PCDH9: variants seen among roughly 807,000 people sequenced by gnomAD.
PCDH9 encodes the protein protocadherin 9.
A neutral mutation model predicts 70.6 loss-of-function variants in PCDH9; 24 were observed. The ratio of observed to expected loss-of-function variants is 0.34; its 90% CI spans 0.25 to 0.48. The LOEUF (loss-of-function observed/expected upper bound fraction) is 0.48, where lower values mean the gene tolerates loss of function less well. Among genes scored for constraint, PCDH9 ranks in the 20% least tolerant of loss-of-function variants. The pLI is 0.99. For synonymous variants in PCDH9, 562 were observed against 558.5 expected, an observed-to-expected ratio of 1.01 and a Z score of -0.09; for missense variants, 1,281 against 1,503.6, an observed-to-expected ratio of 0.85 and a Z score of 2.45.
chr13:66,492,873 A>G (rs1222136871), intron 4 of PCDH9, among the ~76,000 whole-genome samples: 1 of 152,210 alleles, frequency 6.6e-6, no homozygotes, highest in Non-Finnish European at 1.5e-5. Context: ...CAAATTAGAT[A>G]CATTGTTACA....
chr13:66,632,126 C>G (rs1488233987), intron 3 of PCDH9, among the ~76,000 whole-genome samples: 1 of 152,086 alleles, frequency 6.6e-6, no homozygotes, highest in East Asian at 1.9e-4. Context: ...AACTCCTGAC[C>G]TCAGGTAATC....
chr13:67,120,941 A>C (rs1222105166), intron 2 of PCDH9, among the ~76,000 whole-genome samples: 1 of 152,010 alleles, frequency 6.6e-6, no homozygotes, highest in African/African-American at 2.4e-5. Flanking sequence ...AAAAAAAAAA[A>C]CTAAAAACAT....
At chr13:67,005,689 T>C (rs1425778818) in intron 2 of PCDH9, among the ~76,000 whole-genome samples, 1 of 152,226 alleles carries the variant, frequency 6.6e-6, no homozygotes, top group African/African-American at 2.4e-5. Context: ...CCACAAATAA[T>C]ATGCTTATTT....
At chr13:66,401,370 T>C (rs930843234) in intron 4 of PCDH9, among the ~76,000 whole-genome samples, 1 of 151,900 alleles carries the variant, frequency 6.6e-6, no homozygotes, top group African/African-American at 2.4e-5. Flanking sequence ...TCCCCCCCTT[T>C]GCTCATTCTT....
chr13:66,854,212 T>C (rs532764510), intron 3 of PCDH9, among the ~76,000 whole-genome samples: 3 of 152,314 alleles, frequency 2.0e-5, no homozygotes, highest in Non-Finnish European at 2.9e-5. Context: ...CTTGTAGTTG[T>C]ATGACCTTAG....
intron 2 of PCDH9, among the ~76,000 whole-genome samples, chr13:66,982,406 G>T (rs1310930611): frequency 6.6e-6 from 1 of 152,152 alleles, no homozygotes; most frequent in Non-Finnish European, 1.5e-5. Context: ...GCACTTCCAA[G>T]AAACACTAAA....
intron 4 of PCDH9, among the ~76,000 whole-genome samples, chr13:66,472,764 C>G (rs1013254524): frequency 6.6e-6 from 1 of 152,006 alleles, no homozygotes; most frequent in African/African-American, 2.4e-5. Flanking sequence ...CCAAGCCTGT[C>G]TTTATTTTAG....
intron 3 of PCDH9, among the ~76,000 whole-genome samples, chr13:66,647,916 GC>G (rs1209577351): frequency 6.6e-6 from 1 of 152,164 alleles, no homozygotes; most frequent in Non-Finnish European, 1.5e-5. Context: ...TGGTAAGCAG[GC>G]AGTACCTGCT....
At chr13:66,496,663 C>A (rs2138547366) in intron 4 of PCDH9, among the ~76,000 whole-genome samples, 1 of 152,226 alleles carries the variant, frequency 6.6e-6, no homozygotes, top group East Asian at 1.9e-4. Context: ...ATTATGGAAA[C>A]AATATGGAAC....
At chr13:66,859,348 C>A (rs1165829391) in intron 3 of PCDH9, among the ~76,000 whole-genome samples, 1 of 152,088 alleles carries the variant, frequency 6.6e-6, no homozygotes, top group Non-Finnish European at 1.5e-5. Flanking sequence ...ATTTTAATTT[C>A]TATTAGTGTT....
At chr13:66,835,092 G>C (rs555671046) in intron 3 of PCDH9, among the ~76,000 whole-genome samples, 1 of 152,304 alleles carries the variant, frequency 6.6e-6, no homozygotes, top group East Asian at 1.9e-4. Context: ...ACAAGGCCTG[G>C]TATGTCCTGA....
Position 66,487,208 on chromosome 13 carries a change from G to A in PCDH9, c.3340+144002C>T, listed in dbSNP as rs114000405. On this transcript the variant is annotated intron_variant, in intron 4 of 4. Coordinates refer to ENST00000377865, the MANE Select transcript of PCDH9 (RefSeq NM_203487.3). ...ATAGATTTCCATTGTGAATCAAGCC[G>A]TACTTTGAATAGGTAAATAATATAG... 4.8e-3 allele frequency among the ~76,000 whole-genome samples: 731 copies of A among 152,240 alleles called. 5 individuals carry two copies. The highest frequency in any genetic ancestry group is 0.017 in the African/African-American group (694 of 41,526).
intron 4 of PCDH9, among the ~76,000 whole-genome samples, chr13:66,475,219 A>G (rs1172889954): frequency 1.3e-5 from 2 of 152,108 alleles, no homozygotes; most frequent in Non-Finnish European, 2.9e-5. Context: ...CAAGATTAGC[A>G]AATATCTGCC....
In PCDH9 at chr13:66,933,532, A is replaced by G. The variant is rs186255320; in HGVS notation, c.3037-29927T>C. On this transcript the variant is annotated intron_variant, in intron 2 of 4. Coordinates refer to ENST00000377865, the MANE Select transcript of PCDH9 (RefSeq NM_203487.3). ...ATTGCTACAATAGCAAAGCAGATTTATTAGACCCCAGTATCTAAATTAGGA... is the reference window on the plus strand; with the variant it reads ...ATTGCTACAATAGCAAAGCAGATTTGTTAGACCCCAGTATCTAAATTAGGA... 3.0e-3 allele frequency among the ~76,000 whole-genome samples: 453 copies of G among 152,334 alleles called. 7 individuals carry two copies. Among genetic ancestry groups the G allele is most frequent in the Non-Finnish European group, 3.9e-3 (267 of 68,016 alleles).
intron 3 of PCDH9, among the ~76,000 whole-genome samples, chr13:66,768,897 AGTGCAAAACAAACAAACAAAGAAAAGCCC>A (rs2079760283): frequency 6.6e-6 from 1 of 152,100 alleles, no homozygotes; most frequent in South Asian, 2.1e-4. Context: ...TAAATCAGAT[AGTGCAAAACAAACAAACAAAGAAAAGCCC>A]GTTAACTCTA....
chr13:66,817,913 C>T (rs1461025005), intron 3 of PCDH9, among the ~76,000 whole-genome samples: 1 of 152,112 alleles, frequency 6.6e-6, no homozygotes, highest in African/African-American at 2.4e-5. Flanking sequence ...CAGGAGTGAG[C>T]CACCACACCC....
chr13:66,679,019 A>C (rs186222130), intron 3 of PCDH9, among the ~76,000 whole-genome samples: 70 of 151,508 alleles, frequency 4.6e-4, no homozygotes, highest in Admixed American at 9.9e-4. Flanking sequence ...TATTTAACCT[A>C]CCCACCATTA....
At chr13:66,739,135 C>T (rs1320433189) in intron 3 of PCDH9, among the ~76,000 whole-genome samples, 18 of 143,944 alleles carry the variant, frequency 1.3e-4, no homozygotes, top group South Asian at 2.4e-4. Flanking sequence ...AGACTAACAG[C>T]GGATCTCTCG....
At chr13:67,147,703 A>G (rs2087556360) in intron 2 of PCDH9, among the ~76,000 whole-genome samples, 1 of 152,248 alleles carries the variant, frequency 6.6e-6, no homozygotes, top group Non-Finnish European at 1.5e-5. Flanking sequence ...CCTTTTCCAT[A>G]GCCAAAATTG....
Sources: gnomAD v4.1 joint callset for allele counts (sites outside exome capture counted in the v4.1 genomes callset) on GRCh38, gnomAD v4.1.1 for gene constraint, MANE v1.5 for transcripts, NCBI Gene and HGNC (gene_info 2026-07-23, HGNC 2026-07-21) for gene names.